The following FTO variants were observed in gnomAD, a reference collection of about 807,000 sequenced individuals.
FTO encodes FTO alpha-ketoglutarate dependent dioxygenase.
A neutral mutation model predicts 63.9 loss-of-function variants in FTO; 47 were observed. That is an observed-to-expected ratio of 0.74 (90% CI 0.58 to 0.94). FTO has a LOEUF of 0.94. Among genes scored for constraint, FTO ranks in the 40% least tolerant of loss-of-function variants. The pLI is 0.00. For missense variants in FTO, 562 were observed against 618.1 expected, an observed-to-expected ratio of 0.91 and a Z score of 0.96; for synonymous variants, 207 against 224.4, an observed-to-expected ratio of 0.92 and a Z score of 0.69.
In FTO at chr16:54,067,820, C is replaced by T. The variant is rs116959378; in HGVS notation, c.1365-43942C>T. Among the ~76,000 whole-genome samples, 499 of 152,254 alleles carry T rather than the reference C, an allele frequency of 3.3e-3. 19 individuals are homozygous for T. The East Asian group carries it at 0.089, about 27-fold the overall frequency. On this transcript the variant is annotated intron_variant, in intron 8 of 8. Coordinates refer to ENST00000471389, the MANE Select transcript of FTO (RefSeq NM_001080432.3). ...ATAATTCACCAAAGGTTCTTGTTTA[C>T]TTTCTATAGTAGTTTCTATGAAATG... is the stretch of plus-strand genomic sequence containing the variant.
intron 8 of FTO, among the ~76,000 whole-genome samples, chr16:54,019,626 G>A (rs528994085): frequency 2.4e-4 from 25 of 105,914 alleles, no homozygotes; most frequent in African/African-American, 1.3e-3. Context: ...GGAACACCTC[G>A]GTTTCTAGAT....
chr16:53,708,025 A>ATATTGG (rs1312741307), intron 1 of FTO, among the ~76,000 whole-genome samples: 1 of 152,206 alleles, frequency 6.6e-6, no homozygotes, highest in Non-Finnish European at 1.5e-5. Context: ...GTTGTAGCAT[A>ATATTGG]TATTGGTACT....
At chr16:54,003,978 A>G (rs554058337) in intron 8 of FTO, among the ~76,000 whole-genome samples, 1 of 152,296 alleles carries the variant, frequency 6.6e-6, no homozygotes, top group South Asian at 2.1e-4. Flanking sequence ...ATAAGGTAAA[A>G]TAAGATTATC....
intron 4 of FTO, among the ~76,000 whole-genome samples, chr16:53,849,016 A>G (rs555099185): frequency 1.3e-5 from 2 of 152,356 alleles, no homozygotes; most frequent in South Asian, 2.1e-4. Flanking sequence ...TTAAGTTGCC[A>G]GGTAAAAATT....
intron 4 of FTO, among the ~76,000 whole-genome samples, chr16:53,863,499 A>G (rs1404973456): frequency 6.6e-6 from 1 of 152,222 alleles, no homozygotes; most frequent in Non-Finnish European, 1.5e-5. Flanking sequence ...CTTTATGTGG[A>G]TGCTTGCAGT....
At chr16:53,801,702 GTC>G (rs1290844491) in intron 1 of FTO, among the ~76,000 whole-genome samples, 1 of 148,514 alleles carries the variant, frequency 6.7e-6, no homozygotes, top group East Asian at 1.9e-4. Flanking sequence ...TTTCCCCACT[GTC>G]TTCTGTCTTC....
chr16:53,720,632 TATATATATAAA>T (rs2076016192), intron 1 of FTO, among the ~76,000 whole-genome samples: 2 of 145,346 alleles, frequency 1.4e-5, no homozygotes, highest in African/African-American at 2.6e-5. Context: ...ATATATCTTT[TATATATATAAA>T]ATATATATAT....
At chr16:53,969,132 C>G (rs1315843154) in intron 8 of FTO, among the ~76,000 whole-genome samples, 1 of 152,132 alleles carries the variant, frequency 6.6e-6, no homozygotes, top group East Asian at 1.9e-4. Flanking sequence ...ATTCTCAAAG[C>G]CTTTTAAAAT....
At chr16:53,732,165 C>T (rs1490226553) in intron 1 of FTO, among the ~76,000 whole-genome samples, 2 of 151,530 alleles carry the variant, frequency 1.3e-5, no homozygotes, top group Non-Finnish European at 2.9e-5. Flanking sequence ...TCTCCTGCCT[C>T]AGCCTCCTGA....
chr16:54,063,687 CTCTTT>C (rs1567548610), intron 8 of FTO: 1 of 143,930 alleles, frequency 6.9e-6, no homozygotes, highest in Non-Finnish European at 1.5e-5. Flanking sequence ...CCATTTAGAA[CTCTTT>C]TCTTTTTTTT....
chr16:53,801,723 A>ATTT (rs60351438), intron 1 of FTO, among the ~76,000 whole-genome samples: 3 of 137,926 alleles, frequency 2.2e-5, no homozygotes, highest in African/African-American at 7.9e-5. Context: ...TCCGGCAACC[A>ATTT]TTTTTTTTTT....
At chr16:53,986,569 C>CA (rs1305815887) in intron 8 of FTO, among the ~76,000 whole-genome samples, 1 of 152,192 alleles carries the variant, frequency 6.6e-6, no homozygotes, top group African/African-American at 2.4e-5. Flanking sequence ...ACTCTGATCT[C>CA]AGAGTTGGGA....
intron 8 of FTO, among the ~76,000 whole-genome samples, chr16:53,956,523 A>G (rs1190716483): frequency 6.6e-6 from 1 of 152,132 alleles, no homozygotes; most frequent in Non-Finnish European, 1.5e-5. Flanking sequence ...AAGGTTCAGG[A>G]GACCATCAGG....
intron 4 of FTO, among the ~76,000 whole-genome samples, chr16:53,869,884 CAAATTGTGTTTTTTT>C: frequency 6.6e-6 from 1 of 152,190 alleles, no homozygotes; most frequent in South Asian, 2.1e-4. Flanking sequence ...TCAGTTTTTT[CAAATTGTGTTTTTTT>C]GCCATTTAGA....
chr16:53,919,954 AAC>A (rs1431214706), intron 7 of FTO, among the ~76,000 whole-genome samples: 2 of 152,212 alleles, frequency 1.3e-5, no homozygotes, highest in African/African-American at 4.8e-5. Flanking sequence ...CATGTAACCA[AAC>A]ACCACCTGTT....
chr16:53,832,638 T>G (rs971057123), intron 3 of FTO, among the ~76,000 whole-genome samples: 6 of 152,236 alleles, frequency 3.9e-5, no homozygotes, highest in Non-Finnish European at 7.3e-5. Flanking sequence ...ACGGTTTTTT[T>G]GTCTGGATTC....
At chr16:54,033,490 G>T (rs2084875634) in intron 8 of FTO, among the ~76,000 whole-genome samples, 1 of 152,188 alleles carries the variant, frequency 6.6e-6, no homozygotes, top group African/African-American at 2.4e-5. Context: ...TGAATTTAAT[G>T]CATACAGTTG....
At chr16:53,931,368 G>C (rs563439692) in intron 7 of FTO, among the ~76,000 whole-genome samples, 1 of 146,576 alleles carries the variant, frequency 6.8e-6, no homozygotes, top group Admixed American at 6.9e-5. Context: ...GTGCAATGGC[G>C]CGATCTTGGC....
At chr16:54,049,027 T>C (rs530889512) in intron 8 of FTO, among the ~76,000 whole-genome samples, 159 of 152,270 alleles carry the variant, frequency 1.0e-3, no homozygotes, top group African/African-American at 3.8e-3. Context: ...TCTTTCTTTT[T>C]TTCCCCCCAG....
Sources: allele counts gnomAD v4.1 joint callset (sites outside exome capture counted in the v4.1 genomes callset), GRCh38; gene constraint gnomAD v4.1.1; transcripts MANE v1.5; gene names NCBI Gene and HGNC (gene_info 2026-07-23, HGNC 2026-07-21).